ADAMTS16: variants seen among roughly 807,000 people sequenced by gnomAD.
The protein encoded by ADAMTS16 is ADAM metallopeptidase with thrombospondin type 1 motif 16.
A neutral mutation model predicts 145.8 loss-of-function variants in ADAMTS16; 94 were observed. That is an observed-to-expected ratio of 0.64 (90% CI 0.55 to 0.77). The LOEUF is 0.77. Ranked by LOEUF, ADAMTS16 falls within the 30% of genes least tolerant of loss-of-function variation. The probability of loss-of-function intolerance (pLI) is 0.00; values close to 1 mark genes in which losing one functional copy is unlikely to be tolerated. For missense variants in ADAMTS16, 1,585 were observed against 1,591.5 expected (o/e 1.00, Z 0.07); for synonymous variants, 659 against 604.3 (o/e 1.09, Z -1.33).
chr5:5,298,912 T>A (rs889129112), intron 18 of ADAMTS16, among the ~76,000 whole-genome samples: 5 of 152,292 alleles, frequency 3.3e-5, no homozygotes, highest in Admixed American at 6.5e-5. Flanking sequence ...AACAGCCTAC[T>A]GGACAGTTGT....
intron 14 of ADAMTS16, 26 bp downstream of exon 14, chr5:5,237,125 A>C: frequency 1.2e-6 from 2 of 1,610,196 alleles, no homozygotes; most frequent in Non-Finnish European, 1.7e-6. Context: ...CATTCATTCA[A>C]CAAATGATTC....
At chr5:5,292,958 C>A (rs6555341) in intron 18 of ADAMTS16, among the ~76,000 whole-genome samples, 72,690 of 151,962 alleles carry the variant, frequency 0.48, 18,101 homozygotes, top group Non-Finnish European at 0.55. Context: ...GGCATTCCCT[C>A]ATTCCCTTCA....
chr5:5,286,857 CAAA>C (rs1158555676), intron 18 of ADAMTS16, among the ~76,000 whole-genome samples: 55 of 22,132 alleles, frequency 2.5e-3, no homozygotes, highest in African/African-American at 6.2e-3. Flanking sequence ...GACTCCGTCT[CAAA>C]AAAAAAAAAA....
In ADAMTS16 at chr5:5,293,547, C is replaced by T. The variant is rs140221176; in HGVS notation, c.2790-9721C>T. Reference sequence around the variant, plus strand: ...CCAGGCCGGGTTTCAGGAGCTGAGGCGGGCAGGTCTGTCCTGGAGCTTGGA... The same window carrying T: ...CCAGGCCGGGTTTCAGGAGCTGAGGTGGGCAGGTCTGTCCTGGAGCTTGGA... On this transcript the variant is annotated intron_variant, in intron 18 of 22. Coordinates refer to ENST00000274181, the MANE Select transcript of ADAMTS16 (RefSeq NM_139056.4). 5.1e-4 allele frequency among the ~76,000 whole-genome samples: 78 copies of T among 152,236 alleles called. 3 individuals carry two copies. In the East Asian group the frequency reaches 0.013, roughly 26 times the overall value.
intron 18 of ADAMTS16, among the ~76,000 whole-genome samples, chr5:5,272,220 TTATC>T (rs1560980589): frequency 6.6e-6 from 1 of 152,104 alleles, no homozygotes; most frequent in Non-Finnish European, 1.5e-5. Flanking sequence ...GTTCATTTAA[TTATC>T]TAAGTAGCTG....
chr5:5,155,155 T>C (rs1018478684), intron 3 of ADAMTS16, among the ~76,000 whole-genome samples: 9 of 152,188 alleles, frequency 5.9e-5, no homozygotes, highest in Non-Finnish European at 2.9e-5. Context: ...ATGACCTTTT[T>C]TTCCTCCTTA....
At chr5:5,239,354 G>A (rs1443077429) in intron 15 of ADAMTS16, 80 bp downstream of exon 15, 1 of 1,493,712 alleles carries the variant, frequency 6.7e-7, no homozygotes, top group Admixed American at 2.4e-5. Flanking sequence ...TGAGGTGACA[G>A]TGAAAACAGC....
chr5:5,149,844 G>A (rs1374923537), intron 3 of ADAMTS16, among the ~76,000 whole-genome samples: 1 of 152,154 alleles, frequency 6.6e-6, no homozygotes, highest in Non-Finnish European at 1.5e-5. Flanking sequence ...AGCATAATGT[G>A]TTCAAGATTC....
At chr5:5,141,234 C>T (rs1250911858) in intron 2 of ADAMTS16, among the ~76,000 whole-genome samples, 1 of 152,154 alleles carries the variant, frequency 6.6e-6, no homozygotes, top group Non-Finnish European at 1.5e-5. Context: ...ATAAAAGAAG[C>T]GCTTAGCATC....
intron 7 of ADAMTS16, among the ~76,000 whole-genome samples, chr5:5,190,854 A>C (rs1427981634): frequency 6.6e-6 from 1 of 152,008 alleles, no homozygotes; most frequent in African/African-American, 2.4e-5. Flanking sequence ...CCGAGAACTC[A>C]GGTTGTAGGA....
Position 5,303,715 on chromosome 5 carries a change from GC to G in ADAMTS16, c.3136del (p.Arg1046AlafsTer20). The G allele has an allele frequency of 6.2e-7, 1 of 1,613,456 alleles. No individual in the cohort carries two copies. The highest frequency in any genetic ancestry group is 2.2e-5 in the East Asian group (1 of 44,884). Reference sequence around the variant, plus strand: ...GGATGCATGAAGCCTGTCTGCTTCAGCGCTGCCACAAGCCCAAGAAGCTGCA... The same window carrying G: ...GGATGCATGAAGCCTGTCTGCTTCAGGCTGCCACAAGCCCAAGAAGCTGCA... ...PRMHEACLLQ[R>X]CHKPKKLQWL... On this transcript the variant is annotated frameshift_variant, in exon 20 of 23. Transcript: ENST00000274181. LOFTEE classifies it high-confidence loss of function.
In ADAMTS16 at chr5:5,146,455, G is replaced by C; in HGVS notation, c.501G>C (p.Leu167Phe). Residue 167 changes from leucine to phenylalanine, a missense_variant and splice_region_variant, in exon 3 of 23, where the codon TTG (leucine) becomes TTC (phenylalanine). Leu to Phe is a conservative substitution (Grantham distance 22). Coordinates refer to ENST00000274181, the MANE Select transcript of ADAMTS16 (RefSeq NM_139056.4). ...TGGCCCTTTCAACCTGCCAAGGCTT[G>C]GTGAGTACAGCGCAAGCCCCAGGTA... ...SSVALSTCQG[L>F]SGMIRTEEAD... 1.2e-6 allele frequency: 2 copies of C among 1,603,910 alleles called. No homozygotes were observed. The highest frequency in any genetic ancestry group is 1.7e-6 in the Non-Finnish European group (2 of 1,178,412).
intron 3 of ADAMTS16, among the ~76,000 whole-genome samples, chr5:5,178,499 A>G (rs1735254484): frequency 6.6e-6 from 1 of 152,226 alleles, no homozygotes; most frequent in Non-Finnish European, 1.5e-5. Flanking sequence ...ATAATGAAAC[A>G]AGCTAATGAA....
chr5:5,232,301 G>C, intron 11 of ADAMTS16, 67 bp from the exon 12 acceptor site: 2 of 1,590,638 alleles, frequency 1.3e-6, no homozygotes, highest in East Asian at 2.2e-5. Context: ...CCTTATAGCA[G>C]TGATGAGATG....
At chr5:5,258,509 C>T (rs1272241118) in intron 17 of ADAMTS16, among the ~76,000 whole-genome samples, 1 of 152,242 alleles carries the variant, frequency 6.6e-6, no homozygotes, top group Non-Finnish European at 1.5e-5. Flanking sequence ...ATGAGCCCTT[C>T]CAGGGTGCCC....
chr5:5,162,728 G>A (rs1033528840), intron 3 of ADAMTS16, among the ~76,000 whole-genome samples: 3 of 149,554 alleles, frequency 2.0e-5, no homozygotes, highest in African/African-American at 7.5e-5. Context: ...GAGAGAGAGA[G>A]AAAAAGAGAG....
At position 5,317,998 on chromosome 5, in the gene ADAMTS16, C is replaced by T; in HGVS notation, c.3412-136C>T. 1 of 1,018,460 alleles carries T rather than the reference C, an allele frequency of 9.8e-7. No individual in the cohort carries two copies. Among genetic ancestry groups the T allele is most frequent in the East Asian group, 3.2e-5 (1 of 31,038 alleles). 63.1% of individuals were successfully genotyped at this position (1,018,460 alleles called of 1,614,324 possible). On this transcript the variant is annotated intron_variant, in intron 21 of 22. Transcript: ENST00000274181. This position sits in a 1 kb window ranked among gnomAD's most constrained non-coding sequence, Gnocchi z 4.5. The stretch of plus-strand genomic sequence containing the variant: ...CGCACATCGTGGCCAACCATAACTC[C>T]ACCTGCCTCTGCGACTAAGTCGCTC...
intron 10 of ADAMTS16, among the ~76,000 whole-genome samples, chr5:5,217,353 G>C (rs1191377635): frequency 6.6e-6 from 1 of 152,068 alleles, no homozygotes; most frequent in Non-Finnish European, 1.5e-5. Flanking sequence ...TGACAAATGG[G>C]ATCTAATTAA....
intron 10 of ADAMTS16, among the ~76,000 whole-genome samples, chr5:5,222,586 TAA>T (rs931119262): frequency 3.3e-5 from 5 of 152,328 alleles, no homozygotes; most frequent in African/African-American, 1.2e-4. Context: ...AAATAAAGTA[TAA>T]GAGATGGAAT....
Sources: allele counts gnomAD v4.1 joint callset (sites outside exome capture counted in the v4.1 genomes callset), GRCh38; gene constraint gnomAD v4.1.1; non-coding constraint Gnocchi (gnomAD v3.1); transcripts MANE v1.5; gene names NCBI Gene and HGNC (gene_info 2026-07-23, HGNC 2026-07-21).